The following SLC39A11 variants were observed in gnomAD, a reference collection of about 807,000 sequenced individuals.
SLC39A11 encodes the protein zinc transporter ZIP11.
In SLC39A11, 33 loss-of-function variants were observed where a neutral mutation model predicts 36.1. That is an observed-to-expected ratio of 0.91 (90% CI 0.69 to 1.22). The LOEUF (loss-of-function observed/expected upper bound fraction) is 1.22. SLC39A11 is among the 50% of genes most tolerant of loss of function. The pLI, the probability that SLC39A11 is intolerant of heterozygous loss-of-function variation, is 0.00. For synonymous variants in SLC39A11, 166 were observed against 170.3 expected, an observed-to-expected ratio of 0.97 and a Z score of 0.20; for missense variants, 432 against 430.3, an observed-to-expected ratio of 1.00 and a Z score of -0.03.
At chr17:72,741,523 C>G (rs2074703183) in intron 6 of SLC39A11, among the ~76,000 whole-genome samples, 1 of 152,104 alleles carries the variant, frequency 6.6e-6, no homozygotes, top group Middle Eastern at 3.2e-3. Flanking sequence ...AGGCTTATAG[C>G]CCAGTGTCTA....
chr17:72,850,740 G>A (rs1019506895), intron 5 of SLC39A11, among the ~76,000 whole-genome samples: 11 of 152,156 alleles, frequency 7.2e-5, no homozygotes, highest in Non-Finnish European at 1.0e-4. Flanking sequence ...TGTCACAAGC[G>A]TTTTGTGAGG....
chr17:72,723,891 G>A (rs1472191257), intron 7 of SLC39A11, among the ~76,000 whole-genome samples: 5 of 152,136 alleles, frequency 3.3e-5, no homozygotes, highest in Non-Finnish European at 7.3e-5. Context: ...TCTCCTCCAC[G>A]TGTTCTGGAA....
At chr17:72,800,554 AC>A (rs1442233395) in intron 6 of SLC39A11, among the ~76,000 whole-genome samples, 1 of 151,914 alleles carries the variant, frequency 6.6e-6, no homozygotes, top group Non-Finnish European at 1.5e-5. Flanking sequence ...CAGGTGACCC[AC>A]CCACCTCAGC....
In SLC39A11 at chr17:72,849,809, G is replaced by T. The variant is rs1567819742; in HGVS notation, c.431-5C>A. ...CCTCACCATTCTCACTCTTGTCTGA[G>T]CAAAAAAAAAAAAAAAGAGAGATGG... is the stretch of plus-strand genomic sequence containing the variant. On this transcript the variant is annotated splice_region_variant and splice_polypyrimidine_tract_variant and intron_variant, in intron 5 of 9. Coordinates refer to ENST00000255559, the MANE Select transcript of SLC39A11 (RefSeq NM_139177.4). 7.3e-7 allele frequency: 1 copy of T among 1,370,056 alleles called. No homozygotes were observed. The highest frequency in any genetic ancestry group is 9.3e-7 in the Non-Finnish European group (1 of 1,076,486). 84.9% of individuals were successfully genotyped at this position (1,370,056 alleles called of 1,614,324 possible).
At chr17:72,721,137 C>G (rs1567984270) in intron 7 of SLC39A11, among the ~76,000 whole-genome samples, 1 of 147,524 alleles carries the variant, frequency 6.8e-6, no homozygotes, top group Non-Finnish European at 1.5e-5. Context: ...TGCTCTGTTG[C>G]CCAGGCTGAA....
At chr17:72,807,575 G>A (rs1367625607) in intron 6 of SLC39A11, among the ~76,000 whole-genome samples, 2 of 152,172 alleles carry the variant, frequency 1.3e-5, no homozygotes, top group Non-Finnish European at 2.9e-5. Context: ...GAGGGGATTC[G>A]AAGGAGGCTG....
chr17:72,820,405 C>T (rs971016669), intron 6 of SLC39A11, among the ~76,000 whole-genome samples: 1 of 151,116 alleles, frequency 6.6e-6, no homozygotes, highest in Non-Finnish European at 1.5e-5. Flanking sequence ...TTAAGGCCTT[C>T]CCAGTCCCTC....
chr17:72,955,013 T>C (rs1198651302), intron 4 of SLC39A11, among the ~76,000 whole-genome samples: 1 of 152,186 alleles, frequency 6.6e-6, no homozygotes, highest in Non-Finnish European at 1.5e-5. Flanking sequence ...CTCTCCTGGT[T>C]TTTTAATGCA....
chr17:72,895,474 G>A (rs1018259261), intron 5 of SLC39A11, among the ~76,000 whole-genome samples: 2 of 152,076 alleles, frequency 1.3e-5, no homozygotes, highest in Non-Finnish European at 2.9e-5. Context: ...AGCTACATGG[G>A]AGGCTGAGGC....
At chr17:72,659,574 C>CTTTTTTTTTT (rs34383683) in intron 7 of SLC39A11, among the ~76,000 whole-genome samples, 3 of 61,174 alleles carry the variant, frequency 4.9e-5, no homozygotes, top group Non-Finnish European at 8.6e-5. Context: ...CTCTGTGACT[C>CTTTTTTTTTT]TTTTTTTTTT....
intron 7 of SLC39A11, among the ~76,000 whole-genome samples, chr17:72,662,443 A>G (rs1041241246): frequency 2.0e-5 from 3 of 149,098 alleles, no homozygotes; most frequent in African/African-American, 4.9e-5. Flanking sequence ...AAAAGAAAGA[A>G]AAGAAAAAAA....
intron 6 of SLC39A11, among the ~76,000 whole-genome samples, chr17:72,799,126 C>T (rs572664445): frequency 6.6e-6 from 1 of 152,190 alleles, no homozygotes; most frequent in South Asian, 2.1e-4. Context: ...GGACCCCAAA[C>T]GGAGGGACCA....
At chr17:73,027,212 C>T (rs956897376) in intron 4 of SLC39A11, among the ~76,000 whole-genome samples, 1 of 152,194 alleles carries the variant, frequency 6.6e-6, no homozygotes, top group Non-Finnish European at 1.5e-5. Flanking sequence ...AAATCAGAAA[C>T]ATGTCAATGT....
chr17:72,721,308 T>G (rs2714030), intron 7 of SLC39A11, among the ~76,000 whole-genome samples: 1,889 of 152,098 alleles, frequency 0.012, 47 homozygotes, highest in African/African-American at 0.043. Flanking sequence ...TGTTGGCCAG[T>G]CTGGTCTCGA....
At chr17:72,723,321 AGTGTGTGTGTGTGTGT>A (rs10570164) in intron 7 of SLC39A11, among the ~76,000 whole-genome samples, 3 of 148,450 alleles carry the variant, frequency 2.0e-5, no homozygotes, top group African/African-American at 7.5e-5. Flanking sequence ...GGAGTGTAAG[AGTGTGTGTGTGTGTGT>A]GTGTGTGTGT....
intron 3 of SLC39A11, among the ~76,000 whole-genome samples, chr17:73,064,046 C>G (rs1423486099): frequency 6.6e-6 from 1 of 151,732 alleles, no homozygotes; most frequent in Non-Finnish European, 1.5e-5. Flanking sequence ...AAGACCAGCG[C>G]CTCAGAAATT....
chr17:72,817,378 G>T (rs572114548), intron 6 of SLC39A11, among the ~76,000 whole-genome samples: 115 of 151,646 alleles, frequency 7.6e-4, no homozygotes, highest in Non-Finnish European at 1.3e-3. Flanking sequence ...GGAGGTGGTG[G>T]TGTAAGGTCT....
Position 72,940,276 on chromosome 17 carries a change from A to AC in SLC39A11, c.430+7475dup, listed in dbSNP as rs2085019965. On this transcript the variant is annotated intron_variant, in intron 5 of 9. Coordinates refer to ENST00000255559, the MANE Select transcript of SLC39A11 (RefSeq NM_139177.4). ...AAAAGATCAGACTTAGAGCCATCTGACTTTTTTTTTTTTTTTGAGATGGAG... is the reference window on the plus strand; with the variant it reads ...AAAAGATCAGACTTAGAGCCATCTGACCTTTTTTTTTTTTTTTGAGATGGAG... Among the ~76,000 whole-genome samples, 6 of 77,848 alleles carry AC rather than the reference A, an allele frequency of 7.7e-5. No homozygotes were observed. The South Asian group carries it at 5.4e-3, about 70-fold the overall frequency. 51.1% of individuals were successfully genotyped at this position (77,848 alleles called of 152,430 possible).
chr17:72,779,618 G>C (rs2076243547), intron 6 of SLC39A11, among the ~76,000 whole-genome samples: 1 of 152,134 alleles, frequency 6.6e-6, no homozygotes, highest in South Asian at 2.1e-4. Context: ...GCTAGGGCAA[G>C]GGAATGCTAC....
Sources: allele counts gnomAD v4.1 joint callset (sites outside exome capture counted in the v4.1 genomes callset), GRCh38; gene constraint gnomAD v4.1.1; transcripts MANE v1.5; gene names NCBI Gene and HGNC (gene_info 2026-07-23, HGNC 2026-07-21).